Variants in AGAP1 observed in about 807,000 individuals in gnomAD.
AGAP1 encodes the protein ArfGAP with GTPase domain, ankyrin repeat and PH domain 1.
Under a neutral mutation model 105.3 loss-of-function variants are expected in AGAP1, and 29 were observed. The observed-to-expected ratio is 0.28, with a 90% CI of 0.21 to 0.38. The LOEUF is 0.38. AGAP1 is among the 10% of genes least tolerant of loss of function. The pLI is 1.00. For synonymous variants in AGAP1, 509 were observed against 485.9 expected (o/e 1.05, Z -0.63); for missense variants, 998 against 1,165.1 (o/e 0.86, Z 2.09).
chr2:236,086,911 G>A (rs1056438229), intron 16 of AGAP1, among the ~76,000 whole-genome samples: 1 of 62,664 alleles, frequency 1.6e-5, no homozygotes, highest in Non-Finnish European at 2.9e-5. Context: ...AAAATTCCCC[G>A]CTCCCTCCCT....
intron 3 of AGAP1, among the ~76,000 whole-genome samples, chr2:235,726,119 G>A (rs1050388635): frequency 6.6e-6 from 1 of 152,194 alleles, no homozygotes; most frequent in Non-Finnish European, 1.5e-5. Flanking sequence ...GCCATACTGG[G>A]CCTGCATTGG....
Position 235,631,187 on chromosome 2 carries a change from C to A in AGAP1, c.164-77992C>A, listed in dbSNP as rs1031428846. ...GGTTCATTACTTCTGCAAATAAACA[C>A]GTTGAAGAGCCTCCTTCCAGTGGGT... On this transcript the variant is annotated intron_variant, in intron 1 of 17. Transcript: ENST00000304032. The surrounding 1 kb of genome is among the most constrained non-coding windows in gnomAD (Gnocchi z 5.4). Among the ~76,000 whole-genome samples the A allele has an allele frequency of 6.6e-6, 1 of 152,154 alleles. No individual in the cohort carries two copies. Among genetic ancestry groups the A allele is most frequent in the African/African-American group, 2.4e-5 (1 of 41,430 alleles).
intron 1 of AGAP1, chr2:235,524,456 CT>C (rs983065789): frequency 1.4e-5 from 4 of 279,456 alleles, no homozygotes; most frequent in African/African-American, 2.3e-5. Context: ...AGCTGAGAAT[CT>C]GGAGAGAGCA....
Position 235,499,348 on chromosome 2 carries a change from A to G in AGAP1, c.163+4499A>G, listed in dbSNP as rs1559203385. On this transcript the variant is annotated intron_variant, in intron 1 of 17. Transcript: ENST00000304032. Reference sequence around the variant, plus strand: ...AAAACTTCCAGAAGCATTTGTTTTCATGTGGAAATGTATTTAGTCCGGTTG... The same window carrying G: ...AAAACTTCCAGAAGCATTTGTTTTCGTGTGGAAATGTATTTAGTCCGGTTG... 4.6e-5 allele frequency among the ~76,000 whole-genome samples: 7 copies of G among 152,216 alleles called. No individual in the cohort carries two copies. The South Asian group carries it at 1.2e-3, about 27-fold the overall frequency.
intron 16 of AGAP1, among the ~76,000 whole-genome samples, chr2:236,069,999 G>T (rs894892711): frequency 6.6e-6 from 1 of 152,254 alleles, no homozygotes; most frequent in African/African-American, 2.4e-5. Context: ...CAGTGTGACA[G>T]TGGTGGCTGA....
Position 236,125,611 on chromosome 2 carries a change from T to C in AGAP1, c.*1489T>C, listed in dbSNP as rs1476995109. 1 of 152,204 alleles carries C rather than the reference T, an allele frequency of 6.6e-6. No individual in the cohort carries two copies. The highest frequency in any genetic ancestry group is 6.5e-5 in the Admixed American group (1 of 15,278). 9.4% of individuals were successfully genotyped at this position (152,204 alleles called of 1,614,324 possible). A position where few individuals can be genotyped will look rare whatever the true frequency, so the allele number is the denominator to read the frequency against. On this transcript the variant is annotated 3_prime_UTR_variant, in exon 18 of 18. Coordinates refer to ENST00000304032, the MANE Select transcript of AGAP1 (RefSeq NM_001037131.3). This position sits in a 1 kb window ranked among gnomAD's most constrained non-coding sequence, Gnocchi z 5.2. Reference sequence around the variant, plus strand: ...GGACTCTGGCAAGATGGGGTGGTTTTCCGAATGCCAGACCGAGGTGCCTTA... The same window carrying C: ...GGACTCTGGCAAGATGGGGTGGTTTCCCGAATGCCAGACCGAGGTGCCTTA...
intron 10 of AGAP1, among the ~76,000 whole-genome samples, chr2:235,897,126 A>G (rs1416756637): frequency 6.6e-6 from 1 of 152,142 alleles, no homozygotes; most frequent in Non-Finnish European, 1.5e-5. Flanking sequence ...TCTGTTGCCC[A>G]GGCTGGAGTG....
At position 235,665,203 on chromosome 2, in the gene AGAP1, G is replaced by C. The variant is rs867568454; in HGVS notation, c.164-43976G>C. Among the ~76,000 whole-genome samples the C allele has an allele frequency of 4.6e-5, 7 of 152,268 alleles. 1 individual carries two copies. Among genetic ancestry groups the C allele is most frequent in the Middle Eastern group, 3.4e-3 (1 of 294 alleles). On this transcript the variant is annotated intron_variant, in intron 1 of 17. Transcript: ENST00000304032. The surrounding 1 kb of genome is among the most constrained non-coding windows in gnomAD (Gnocchi z 5.3). ...CTGCACTCTAGCCTGTCTGTGTGGTGGTGTGTTCATACACAATAGACATCG... is the reference window on the plus strand; with the variant it reads ...CTGCACTCTAGCCTGTCTGTGTGGTCGTGTGTTCATACACAATAGACATCG...
rs143771728 is a variant in AGAP1, at chr2:235,712,887, C to T, written c.222+3650C>T. ...CACGGGTGGCGTGACACACTTGAAA[C>T]GGCATTTTGACCCCTTATTTTATTT... On this transcript the variant is annotated intron_variant, in intron 2 of 17. Transcript: ENST00000304032. The surrounding 1 kb of genome is among the most constrained non-coding windows in gnomAD (Gnocchi z 6.0). Among the ~76,000 whole-genome samples, 670 of 152,346 alleles carry T rather than the reference C, an allele frequency of 4.4e-3. 9 individuals are homozygous for T. The highest frequency in any genetic ancestry group is 0.036 in the Admixed American group (555 of 15,304).
chr2:235,777,517 C>T lies in AGAP1; in HGVS notation c.674-20242C>T, dbSNP rs1470706596. Among the ~76,000 whole-genome samples the T allele has an allele frequency of 1.3e-5, 2 of 152,224 alleles. No individual in the cohort carries two copies. Among genetic ancestry groups the T allele is most frequent in the African/African-American group, 4.8e-5 (2 of 41,470 alleles). On this transcript the variant is annotated intron_variant, in intron 6 of 17. Transcript: ENST00000304032. The surrounding 1 kb of genome is among the most constrained non-coding windows in gnomAD (Gnocchi z 5.1). ...TTGCGTCTGCCTCTGGGAGCAGAAA[C>T]CGTTGTTTCACCAGCAAATTACGCT...
intron 3 of AGAP1, among the ~76,000 whole-genome samples, chr2:235,738,096 G>A (rs1037328559): frequency 9.9e-5 from 15 of 152,112 alleles, no homozygotes; most frequent in Non-Finnish European, 1.9e-4. Context: ...TGTGATATAT[G>A]TTAGGGGAAG....
chr2:235,651,184 C>CAAAAAAAAAAAAAAAAAAAAAA (rs55990003), intron 1 of AGAP1, among the ~76,000 whole-genome samples: 4 of 54,154 alleles, frequency 7.4e-5, no homozygotes, highest in African/African-American at 1.5e-4. Context: ...AACTCCATCT[C>CAAAAAAAAAAAAAAAAAAAAAA]AAAAAAAAAA....
At chr2:235,650,160 G>A (rs754544414) in intron 1 of AGAP1, among the ~76,000 whole-genome samples, 19 of 152,046 alleles carry the variant, frequency 1.2e-4, no homozygotes, top group African/African-American at 3.4e-4. Flanking sequence ...TCAGGAGTTC[G>A]AGACCAGCCT....
rs2052887348 is a variant in AGAP1, at chr2:235,934,432, C to G, written c.1483+3509C>G. The stretch of plus-strand genomic sequence containing the variant: ...ATCCCGGCGTCCCTCTGGTTCGCGT[C>G]ATTCCCCCCTTTAGTGTGCTGCTTC... On this transcript the variant is annotated intron_variant, in intron 12 of 17. Transcript: ENST00000304032. The surrounding 1 kb of genome is among the most constrained non-coding windows in gnomAD (Gnocchi z 4.9). 6.6e-6 allele frequency among the ~76,000 whole-genome samples: 1 copy of G among 152,216 alleles called. No homozygotes were observed. Among genetic ancestry groups the G allele is most frequent in the Non-Finnish European group, 1.5e-5 (1 of 68,044 alleles).
In AGAP1 at chr2:235,623,470, A is replaced by T. The variant is rs935781147; in HGVS notation, c.164-85709A>T. On this transcript the variant is annotated intron_variant, in intron 1 of 17. Coordinates refer to ENST00000304032, the MANE Select transcript of AGAP1 (RefSeq NM_001037131.3). The surrounding 1 kb of genome is among the most constrained non-coding windows in gnomAD (Gnocchi z 4.5). ...TTTGCTGCTTCAAGGTTTCAGGATG[A>T]CACAAGCCATCGGGTTGAGTGTGTT... Among the ~76,000 whole-genome samples the T allele has an allele frequency of 6.6e-6, 1 of 152,190 alleles. No homozygotes were observed. Among genetic ancestry groups the T allele is most frequent in the Non-Finnish European group, 1.5e-5 (1 of 68,030 alleles).
At chr2:235,980,141 G>A (rs530963339) in intron 13 of AGAP1, among the ~76,000 whole-genome samples, 6 of 152,270 alleles carry the variant, frequency 3.9e-5, no homozygotes, top group Non-Finnish European at 7.4e-5. Flanking sequence ...ATCAAGTGGC[G>A]CTGAATATTC....
rs2055457275 is a variant in AGAP1, at chr2:235,989,314, C to G, written c.1645+20691C>G. Among the ~76,000 whole-genome samples, 1 of 152,178 alleles carries G rather than the reference C, an allele frequency of 6.6e-6. No individual in the cohort carries two copies. Among genetic ancestry groups the G allele is most frequent in the Admixed American group, 6.5e-5 (1 of 15,282 alleles). On this transcript the variant is annotated intron_variant, in intron 13 of 17. Coordinates refer to ENST00000304032, the MANE Select transcript of AGAP1 (RefSeq NM_001037131.3). This position sits in a 1 kb window ranked among gnomAD's most constrained non-coding sequence, Gnocchi z 4.4. ...CCCAGCTCCTCTGCCCATCTGGTGACTTTGCAAGCTCACAATGTCCTGAAT... is the reference window on the plus strand; with the variant it reads ...CCCAGCTCCTCTGCCCATCTGGTGAGTTTGCAAGCTCACAATGTCCTGAAT...
intron 11 of AGAP1, among the ~76,000 whole-genome samples, chr2:235,909,728 A>G (rs2051484390): frequency 6.6e-6 from 1 of 152,144 alleles, no homozygotes; most frequent in Admixed American, 6.5e-5. Flanking sequence ...GTCTTCTTAA[A>G]ACAGATTTCT....
chr2:235,497,655 G>A (rs1003281938), intron 1 of AGAP1, among the ~76,000 whole-genome samples: 1 of 152,214 alleles, frequency 6.6e-6, no homozygotes, highest in Non-Finnish European at 1.5e-5. Flanking sequence ...GGAGTGCAGC[G>A]GCGCAATCTC....
Sources: gnomAD v4.1 joint callset for allele counts (sites outside exome capture counted in the v4.1 genomes callset) on GRCh38, gnomAD v4.1.1 for gene constraint, Gnocchi (gnomAD v3.1) non-coding constraint, MANE v1.5 for transcripts, NCBI Gene and HGNC (gene_info 2026-07-23, HGNC 2026-07-21) for gene names.